Variants in CC2D2A observed in about 807,000 individuals in gnomAD.
CC2D2A encodes the protein coiled-coil and C2 domain-containing protein 2A.
Under a neutral mutation model 212.9 loss-of-function variants are expected in CC2D2A, and 155 were observed. That is an observed-to-expected ratio of 0.73 (90% confidence interval 0.64 to 0.83). The LOEUF is 0.83. Ranked by LOEUF, CC2D2A falls within the 40% of genes least tolerant of loss-of-function variation. The pLI is 0.00. For synonymous variants in CC2D2A, 667 were observed against 686.5 expected (o/e 0.97, Z 0.44); for missense variants, 1,856 against 1,956.2 (o/e 0.95, Z 0.97).
At chr4:15,567,552 G>A (rs1353765396) in intron 25 of CC2D2A, 70 bp downstream of exon 25, 31 of 1,396,078 alleles carry the variant, frequency 2.2e-5, no homozygotes, top group Non-Finnish European at 3.0e-5. Context: ...TAAACTTCAT[G>A]GATAGTCTGC....
At position 15,511,240 on chromosome 4, in the gene CC2D2A, T is replaced by C. The variant is rs1271848545; in HGVS notation, c.541-7T>C. ...GGAAATTGCGATTGCTCCTTGCTTT[T>C]CGTTAGGTTCCACCTGGCTTCCCTT... On this transcript the variant is annotated splice_region_variant and splice_polypyrimidine_tract_variant and intron_variant, in intron 7 of 36. Transcript: ENST00000424120. The C allele has an allele frequency of 6.3e-7, 1 of 1,592,058 alleles. No homozygotes were observed.
intron 17 of CC2D2A, among the ~76,000 whole-genome samples, chr4:15,543,189 T>C (rs896314757): frequency 9.9e-5 from 15 of 152,216 alleles, no homozygotes; most frequent in Non-Finnish European, 2.2e-4. Context: ...CTTTGCTGTA[T>C]TGATAACAGG....
At chr4:15,570,111 G>T (rs1720088016) in intron 27 of CC2D2A, among the ~76,000 whole-genome samples, 1 of 152,194 alleles carries the variant, frequency 6.6e-6, no homozygotes, top group African/African-American at 2.4e-5. Flanking sequence ...TCTGCACTGT[G>T]CCAGGAATTG....
At chr4:15,479,756 G>A (rs937065266) in intron 3 of CC2D2A, among the ~76,000 whole-genome samples, 1 of 152,134 alleles carries the variant, frequency 6.6e-6, no homozygotes, top group Non-Finnish European at 1.5e-5. Context: ...GCAGCCCAAG[G>A]CCAGGGGCTG....
chr4:15,589,475 TG>T, intron 32 of CC2D2A, 69 bp from the exon 33 acceptor site: 1 of 1,294,574 alleles, frequency 7.7e-7, no homozygotes, highest in Non-Finnish European at 1.1e-6. Flanking sequence ...ATGAATTGTC[TG>T]TGCAAACTAC....
chr4:15,592,445 G>T (rs1389298792), intron 33 of CC2D2A, among the ~76,000 whole-genome samples: 1 of 152,088 alleles, frequency 6.6e-6, no homozygotes, highest in African/African-American at 2.4e-5. Context: ...AAGCACCATT[G>T]TCTTGCTAAT....
chr4:15,570,935 A>G (rs1720137895), intron 28 of CC2D2A, among the ~76,000 whole-genome samples: 1 of 152,178 alleles, frequency 6.6e-6, no homozygotes, highest in African/African-American at 2.4e-5. Context: ...TTTGTGCGAT[A>G]CATCCTTAAC....
chr4:15,530,263 G>A (rs866286669), intron 13 of CC2D2A, among the ~76,000 whole-genome samples: 2 of 152,290 alleles, frequency 1.3e-5, no homozygotes, highest in African/African-American at 2.4e-5. Flanking sequence ...GAGCCACCGC[G>A]CCCGGCCAGA....
intron 7 of CC2D2A, 47 bp from the exon 8 acceptor site, chr4:15,511,200 T>TAC: frequency 6.5e-7 from 1 of 1,546,758 alleles, no homozygotes. Context: ...CAGAGCGCAT[T>TAC]ACAGCTTATA....
chr4:15,571,916 A>T (rs1302340388), intron 28 of CC2D2A, among the ~76,000 whole-genome samples: 1 of 152,176 alleles, frequency 6.6e-6, no homozygotes, highest in African/African-American at 2.4e-5. Context: ...CCTTCACTAT[A>T]TTCTGGTAAT....
At chr4:15,563,705 T>G in intron 24 of CC2D2A, 183 bp downstream of exon 24, 2 of 608,126 alleles carry the variant, frequency 3.3e-6, no homozygotes, top group East Asian at 5.6e-5. Flanking sequence ...CAATTCAGGC[T>G]AAAGAGGGGA....
At chr4:15,543,482 C>A (rs1445060659) in intron 17 of CC2D2A, 1 of 152,152 alleles carries the variant, frequency 6.6e-6, no homozygotes, top group Non-Finnish European at 1.5e-5. Context: ...TTCTGAATAT[C>A]AACTGGGGGA....
intron 30 of CC2D2A, among the ~76,000 whole-genome samples, chr4:15,581,123 T>C (rs1720643099): frequency 6.6e-6 from 1 of 152,194 alleles, no homozygotes; most frequent in Admixed American, 6.5e-5. Flanking sequence ...TTGCTACTAA[T>C]AGTCACTAAT....
Position 15,527,618 on chromosome 4 carries a change from A to C in CC2D2A, c.1321A>C (p.Arg441=), listed in dbSNP as rs1717583478. Residue 441 remains arginine (R), a synonymous_variant, in exon 12 of 37, where the codon AGA becomes CGA. Coordinates refer to ENST00000424120, the MANE Select transcript of CC2D2A (RefSeq NM_001378615.1). Reference sequence around the variant, plus strand: ...CCAGTTATATGACCAGTACCTTGCAAGACACCAGAGAAACAAGGCGAAATT... The same window carrying C: ...CCAGTTATATGACCAGTACCTTGCACGACACCAGAGAAACAAGGCGAAATT... ...LAQLYDQYLA[R]HQRNKAKFLT... 6.2e-7 allele frequency: 1 copy of C among 1,612,126 alleles called. No homozygotes were observed. The highest frequency in any genetic ancestry group is 1.3e-5 in the African/African-American group (1 of 74,910).
At position 15,570,384 on chromosome 4, in the gene CC2D2A, C is replaced by T. The variant is rs1345798116; in HGVS notation, c.3496-14C>T. The T allele has an allele frequency of 3.3e-6, 5 of 1,526,042 alleles. No homozygotes were observed. In the South Asian group the frequency reaches 4.7e-5, roughly 14 times the overall value. The allele number at this position is 1,526,042 out of a possible 1,614,324, so 94.5% of individuals were successfully genotyped here. ...GAGTTCTTAAGCAATTATTACTTCC[C>T]ACCCTTCCTTTAGGATGACCGTGAA... On this transcript the variant is annotated splice_polypyrimidine_tract_variant and intron_variant, in intron 27 of 36. Transcript: ENST00000424120.
chr4:15,570,142 T>C (rs1720090122), intron 27 of CC2D2A, among the ~76,000 whole-genome samples: 1 of 152,232 alleles, frequency 6.6e-6, no homozygotes, highest in Admixed American at 6.5e-5. Flanking sequence ...TTTACGCACA[T>C]TGTCTGATTT....
chr4:15,474,154 T>C (rs1364127178), intron 1 of CC2D2A, among the ~76,000 whole-genome samples: 2 of 152,104 alleles, frequency 1.3e-5, no homozygotes, highest in Non-Finnish European at 2.9e-5. Context: ...GTCTGAGAGA[T>C]AGGGAGAAAC....
At position 15,511,340 on chromosome 4, in the gene CC2D2A, G is replaced by C. The variant is rs965986708; in HGVS notation, c.634G>C (p.Ala212Pro). 2.5e-6 allele frequency: 4 copies of C among 1,594,792 alleles called. No homozygotes were observed. The Admixed American group carries it at 5.3e-5, about 21-fold the overall frequency. ...EPEGSEEKPK[A>P]RHRAGTNQEE... ...AGAAGGATCAGAGGAAAAACCAAAAGCAAGACATAGAGCGGGAACTAATCA... is the reference window on the plus strand; with the variant it reads ...AGAAGGATCAGAGGAAAAACCAAAACCAAGACATAGAGCGGGAACTAATCA... Residue 212 changes from alanine (A) to proline (P), a missense_variant, in exon 8 of 37, where the codon GCA (alanine) becomes CCA (proline). By Grantham distance (27) the Ala-to-Pro change is conservative (BLOSUM62 -1). Coordinates refer to ENST00000424120, the MANE Select transcript of CC2D2A (RefSeq NM_001378615.1).
intron 4 of CC2D2A, among the ~76,000 whole-genome samples, chr4:15,490,474 T>C (rs1297155655): frequency 6.6e-6 from 1 of 152,218 alleles, no homozygotes; most frequent in African/African-American, 2.4e-5. Flanking sequence ...GTATCCACAT[T>C]TCAATTTCAT....
Sources: allele counts gnomAD v4.1 joint callset (sites outside exome capture counted in the v4.1 genomes callset), GRCh38; gene constraint gnomAD v4.1.1; transcripts MANE v1.5; gene names NCBI Gene and HGNC (gene_info 2026-07-23, HGNC 2026-07-21).